The following SLC43A1 variants were observed in gnomAD, a reference collection of about 807,000 sequenced individuals.
SLC43A1 encodes solute carrier family 43 member 1, also known as large neutral amino acids transporter small subunit 3.
In SLC43A1, 31 loss-of-function variants were observed where a neutral mutation model predicts 59.5. The observed-to-expected ratio is 0.52, with a 90% confidence interval of 0.39 to 0.70. The LOEUF is 0.70. Ranked by LOEUF, SLC43A1 falls within the 30% of genes least tolerant of loss-of-function variation. The pLI is 0.00. For missense variants in SLC43A1, 598 were observed against 717.8 expected (o/e 0.83, Z 1.91); for synonymous variants, 259 against 290.9 (o/e 0.89, Z 1.12).
Position 57,491,265 on chromosome 11 carries a change from G to T in SLC43A1, c.1152C>A (p.Cys384Ter). The change falls in exon 11 of 15, where the codon TGC becomes TGA. Residue 384 changes from cysteine (C) to a stop codon, truncating the protein, a stop_gained. Coordinates refer to ENST00000278426, the MANE Select transcript of SLC43A1 (RefSeq NM_003627.6). LOFTEE classifies it high-confidence loss of function. ...GYIMDWRIKDCVDAPTQGTVL... is the reference protein window; with the variant it reads ...GYIMDWRIKD The stretch of plus-strand genomic sequence containing the variant: ...CAGTGCCCTGAGTTGGGGCGTCCAC[G>T]CAGTCCTTGATCCGCCAGTCCATGA... 1 of 1,608,592 alleles carries T rather than the reference G, an allele frequency of 6.2e-7. No individual in the cohort carries two copies. The highest frequency in any genetic ancestry group is 8.5e-7 in the Non-Finnish European group (1 of 1,176,822).
chr11:57,490,874 C>T (rs945186642), intron 11 of SLC43A1, among the ~76,000 whole-genome samples: 1 of 152,240 alleles, frequency 6.6e-6, no homozygotes, highest in Admixed American at 6.5e-5. Context: ...CTGGAGGCTG[C>T]CACTGAAAGC....
At chr11:57,494,358 C>T (rs962396765) in intron 7 of SLC43A1, 187 bp from the exon 8 acceptor site, 4 of 547,094 alleles carry the variant, frequency 7.3e-6, no homozygotes, top group Non-Finnish European at 1.3e-5. Flanking sequence ...CAGCTTAGCA[C>T]AGATGCCAAG....
rs765120333 is a variant in SLC43A1 at position 57,485,219 on chromosome 11, G to A, written c.1557C>T (p.Phe519=). The change falls in exon 15 of 15, where the codon TTC becomes TTT. Residue 519 remains phenylalanine, a synonymous_variant. Coordinates refer to ENST00000278426, the MANE Select transcript of SLC43A1 (RefSeq NM_003627.6). ...AAGGCAACAGGAATCCCAGGAGTGAGAATAGCAGGAGGCCCAGATTCACCT... is the reference window on the plus strand; with the variant it reads ...AAGGCAACAGGAATCCCAGGAGTGAAAATAGCAGGAGGCCCAGATTCACCT... ...PFWVNLGLLL[F]SLLGFLLPSY... is the part of the protein sequence containing the mutation. The A allele has an allele frequency of 4.3e-6, 7 of 1,613,474 alleles. No homozygotes were observed. The highest frequency in any genetic ancestry group is 1.7e-4 in the Middle Eastern group (1 of 6,058).
chr11:57,493,474 G>A (rs1012323597), intron 8 of SLC43A1, among the ~76,000 whole-genome samples: 1 of 152,200 alleles, frequency 6.6e-6, no homozygotes, highest in African/African-American at 2.4e-5. Flanking sequence ...CTGGAGAGCA[G>A]GACTCAAACT....
At chr11:57,510,207 A>G (rs905659447) in intron 2 of SLC43A1, among the ~76,000 whole-genome samples, 3 of 152,114 alleles carry the variant, frequency 2.0e-5, no homozygotes, top group African/African-American at 7.2e-5. Flanking sequence ...CTGTAATCCC[A>G]GCACTTTGGG....
In SLC43A1 at chr11:57,501,187, G is replaced by GCCAAA. The variant is rs749027155; in HGVS notation, c.296_297insTTTGG (p.Arg100LeufsTer37). 3 of 1,612,480 alleles carry GCCAAA rather than the reference G, an allele frequency of 1.9e-6. No homozygotes were observed. In the East Asian group the frequency reaches 6.7e-5, roughly 36 times the overall value. ...GCCGCACGGGTCGGGGGCCAAAGCG[G>GCCAAA]TCCATGAGGATCCCCAGTGGCAGGG... On this transcript the variant is annotated frameshift_variant, in exon 3 of 15. Transcript: ENST00000278426. LOFTEE classifies it high-confidence loss of function.
At chr11:57,498,206 C>T (rs986066819) in intron 5 of SLC43A1, among the ~76,000 whole-genome samples, 1 of 152,066 alleles carries the variant, frequency 6.6e-6, no homozygotes, top group Admixed American at 6.6e-5. Flanking sequence ...TTTGGGAAGC[C>T]GAAGCTGGTG....
intron 6 of SLC43A1, among the ~76,000 whole-genome samples, chr11:57,497,422 G>A (rs1483969884): frequency 1.3e-5 from 2 of 152,248 alleles, no homozygotes; most frequent in East Asian, 1.9e-4. Context: ...GAGAGTCAGG[G>A]ACCTTGAACG....
rs773805188 is a variant in SLC43A1 at position 57,489,238 on chromosome 11, T to C, written c.1335+13A>G. 1.2e-6 allele frequency: 2 copies of C among 1,613,948 alleles called. No individual in the cohort carries two copies. The highest frequency in any genetic ancestry group is 2.2e-5 in the South Asian group (2 of 91,064). On this transcript the variant is annotated intron_variant, in intron 12 of 14. Coordinates refer to ENST00000278426, the MANE Select transcript of SLC43A1 (RefSeq NM_003627.6). ...TCGGGAGGCAGGGAGAGGGGAAGGA[T>C]GAAGGTGGGTACCTGGAGGTGTAAG... is the stretch of plus-strand genomic sequence containing the variant.
At chr11:57,486,548 C>G (rs1943732277) in intron 14 of SLC43A1, among the ~76,000 whole-genome samples, 1 of 150,314 alleles carries the variant, frequency 6.7e-6, no homozygotes, top group Non-Finnish European at 1.5e-5. Context: ...GCATGTAATC[C>G]CAGCACTTTG....
intron 2 of SLC43A1, 29 bp downstream of exon 2, chr11:57,513,929 C>G (rs1195994661): frequency 6.9e-6 from 8 of 1,163,100 alleles, no homozygotes; most frequent in African/African-American, 1.5e-5. Context: ...TCCCTCCCCC[C>G]AGCCCACCCA....
intron 2 of SLC43A1, among the ~76,000 whole-genome samples, chr11:57,512,576 T>C (rs1036566853): frequency 6.6e-6 from 1 of 150,486 alleles, no homozygotes; most frequent in South Asian, 2.1e-4. Context: ...TAGGGGACAG[T>C]GGCAGGTGTC....
In SLC43A1 at chr11:57,501,172, TC is replaced by T. The variant is rs1944254441; in HGVS notation, c.311del (p.Arg104HisfsTer31). ...LGILMDRFGP[R>X]PVRLVGSACF... Reference sequence around the variant, plus strand: ...CTCACCTGCCAACCAGCCGCACGGGTCGGGGGCCAAAGCGGTCCATGAGGAT... The same window carrying T: ...CTCACCTGCCAACCAGCCGCACGGGTGGGGGCCAAAGCGGTCCATGAGGAT... On this transcript the variant is annotated frameshift_variant, in exon 3 of 15. Coordinates refer to ENST00000278426, the MANE Select transcript of SLC43A1 (RefSeq NM_003627.6). LOFTEE classifies it high-confidence loss of function. The T allele has an allele frequency of 1.2e-6, 2 of 1,612,208 alleles. No individual in the cohort carries two copies. Among genetic ancestry groups the T allele is most frequent in the Non-Finnish European group, 1.7e-6 (2 of 1,179,982 alleles).
At position 57,485,071 on chromosome 11, in the gene SLC43A1, A is replaced by G. The variant is rs368814852; in HGVS notation, c.*25T>C. ...GTTGCTCAGGCCTTGATTGCCTGTC[A>G]TCCAGGTCCCTTGGTCTGAGAAGTC... On this transcript the variant is annotated 3_prime_UTR_variant, in exon 15 of 15. Transcript: ENST00000278426. 3.6e-5 allele frequency: 58 copies of G among 1,595,444 alleles called. No homozygotes were observed. The highest frequency in any genetic ancestry group is 3.1e-5 in the Non-Finnish European group (36 of 1,172,424).
intron 5 of SLC43A1, among the ~76,000 whole-genome samples, chr11:57,498,863 G>C (rs1485768855): frequency 1.3e-5 from 2 of 152,140 alleles, no homozygotes; most frequent in Admixed American, 6.5e-5. Context: ...GCAGGGGAAG[G>C]CAAAGTCAGG....
intron 2 of SLC43A1, among the ~76,000 whole-genome samples, chr11:57,502,808 AG>A (rs1944299560): frequency 6.6e-6 from 1 of 150,468 alleles, no homozygotes; most frequent in African/African-American, 2.4e-5. Flanking sequence ...CGGGCGGTCG[AG>A]GCTGCAGTGA....
At chr11:57,510,998 ATTTT>A (rs975031709) in intron 2 of SLC43A1, among the ~76,000 whole-genome samples, 1 of 152,078 alleles carries the variant, frequency 6.6e-6, no homozygotes, top group African/African-American at 2.4e-5. Context: ...TAAAAAAAAA[ATTTT>A]TTTAAGAATA....
chr11:57,511,019 A>C (rs1944527839), intron 2 of SLC43A1, among the ~76,000 whole-genome samples: 1 of 152,110 alleles, frequency 6.6e-6, no homozygotes, highest in Non-Finnish European at 1.5e-5. Flanking sequence ...AATATGAAAT[A>C]GTGTAGCCAC....
At position 57,489,403 on chromosome 11, in the gene SLC43A1, C is replaced by A; in HGVS notation, c.1194-11G>T. Reference sequence around the variant, plus strand: ...GTAGCAACCCCGTCCCTGAGGAGTACGGGAAGTCACTGGCTGCTGCCTCTA... The same window carrying A: ...GTAGCAACCCCGTCCCTGAGGAGTAAGGGAAGTCACTGGCTGCTGCCTCTA... On this transcript the variant is annotated splice_polypyrimidine_tract_variant and intron_variant, in intron 11 of 14. Transcript: ENST00000278426. 1 of 1,613,702 alleles carries A rather than the reference C, an allele frequency of 6.2e-7. No individual in the cohort carries two copies. Among genetic ancestry groups the A allele is most frequent in the Non-Finnish European group, 8.5e-7 (1 of 1,179,744 alleles).
Sources: allele counts gnomAD v4.1 joint callset (sites outside exome capture counted in the v4.1 genomes callset), GRCh38; gene constraint gnomAD v4.1.1; transcripts MANE v1.5; gene names NCBI Gene and HGNC (gene_info 2026-07-23, HGNC 2026-07-21).